The following THRB variants were observed in gnomAD, a reference collection of about 807,000 sequenced individuals.
THRB encodes nuclear receptor subfamily 1 group A member 2.
THRB carries 12 observed loss-of-function variants against 47.8 expected under a neutral mutation model. That is an observed-to-expected ratio of 0.25 (90% CI 0.16 to 0.41). The LOEUF (loss-of-function observed/expected upper bound fraction) is 0.41, where lower values mean the gene tolerates loss of function less well. Ranked by LOEUF, THRB falls within the 10% of genes least tolerant of loss-of-function variation. The pLI is 1.00. For missense variants in THRB, 348 were observed against 589.2 expected (o/e 0.59, Z 4.24); for synonymous variants, 218 against 212.2 (o/e 1.03, Z -0.24).
In THRB at chr3:24,123,041, C is replaced by T. The variant is rs1029651348; in HGVS notation, c.1229G>A (p.Arg410Gln). ...CCAAAAGTGTGTCACGTGGTGTTTTCGGTAATTGATATAGTGTTCAAAGGC... is the reference window on the plus strand; with the variant it reads ...CCAAAAGTGTGTCACGTGGTGTTTTTGGTAATTGATATAGTGTTCAAAGGC... ...LLAFEHYINY[R>Q]KHHVTHFWPK... Residue 410 changes from arginine to glutamine, a missense_variant, in exon 11 of 11, where the codon CGA becomes CAA. Coordinates refer to ENST00000646209, the MANE Select transcript of THRB (RefSeq NM_001354712.2). The T allele has an allele frequency of 6.8e-6, 11 of 1,614,072 alleles. No individual in the cohort carries two copies. The highest frequency in any genetic ancestry group is 8.5e-6 in the Non-Finnish European group (10 of 1,180,042).
Position 24,457,374 on chromosome 3 carries a change from T to C in THRB, c.-261+37278A>G, listed in dbSNP as rs1301500182. ...CTTCCTAACATTCTGGCCATTAAAA[T>C]GAACACTTGGCATTTGATTAGCAGG... On this transcript the variant is annotated intron_variant, in intron 1 of 10. Transcript: ENST00000646209. 2.0e-5 allele frequency among the ~76,000 whole-genome samples: 3 copies of C among 152,292 alleles called. No individual in the cohort carries two copies. The East Asian group carries it at 5.8e-4, about 29-fold the overall frequency.
chr3:24,351,922 A>G (rs2063381112), intron 1 of THRB, among the ~76,000 whole-genome samples: 1 of 152,154 alleles, frequency 6.6e-6, no homozygotes, highest in African/African-American at 2.4e-5. Flanking sequence ...TTTCCGACAG[A>G]TGGGAGAGAG....
intron 3 of THRB, among the ~76,000 whole-genome samples, chr3:24,229,594 G>A (rs147316792): frequency 6.6e-6 from 1 of 152,276 alleles, no homozygotes; most frequent in Non-Finnish European, 1.5e-5. Flanking sequence ...TGAGATCCAA[G>A]AGCAACAGTC....
At chr3:24,372,403 A>G (rs2064986101) in intron 1 of THRB, among the ~76,000 whole-genome samples, 1 of 152,138 alleles carries the variant, frequency 6.6e-6, no homozygotes, top group Non-Finnish European at 1.5e-5. Flanking sequence ...TGTTAATTTA[A>G]ACACATATCT....
chr3:24,183,734 C>T (rs1049781577), intron 5 of THRB, among the ~76,000 whole-genome samples: 1 of 145,928 alleles, frequency 6.9e-6, no homozygotes, highest in African/African-American at 2.5e-5. Flanking sequence ...TTCATCTTTA[C>T]AACAAATCTG....
chr3:24,160,955 C>T (rs2038717820), intron 5 of THRB, among the ~76,000 whole-genome samples: 2 of 152,214 alleles, frequency 1.3e-5, no homozygotes, highest in African/African-American at 4.8e-5. Context: ...AAGGGCAATG[C>T]ATGCTCTGGA....
chr3:24,172,264 A>G (rs1203378634), intron 5 of THRB, among the ~76,000 whole-genome samples: 1 of 152,122 alleles, frequency 6.6e-6, no homozygotes, highest in African/African-American at 2.4e-5. Context: ...CAGAGAGAAG[A>G]AATCTGCTGA....
intron 4 of THRB, among the ~76,000 whole-genome samples, chr3:24,199,232 T>G (rs1575798554): frequency 1.3e-5 from 2 of 152,234 alleles, no homozygotes; most frequent in African/African-American, 4.8e-5. Context: ...CAATACGGTC[T>G]GCTGAGGCCC....
chr3:24,294,461 A>G (rs1289698900), intron 3 of THRB, among the ~76,000 whole-genome samples: 1 of 152,202 alleles, frequency 6.6e-6, no homozygotes, highest in Non-Finnish European at 1.5e-5. Flanking sequence ...CCATGACCCA[A>G]TTCTGGGCAA....
chr3:24,129,431 G>T (rs572832457), intron 9 of THRB, among the ~76,000 whole-genome samples: 2 of 152,144 alleles, frequency 1.3e-5, no homozygotes, highest in Non-Finnish European at 2.9e-5. Context: ...TGCAAACTGG[G>T]GCAGGCCCCA....
intron 1 of THRB, among the ~76,000 whole-genome samples, chr3:24,407,450 C>T (rs1248083380): frequency 6.6e-6 from 1 of 151,810 alleles, no homozygotes; most frequent in African/African-American, 2.4e-5. Context: ...TACCAGCTGA[C>T]ACTGCACTTC....
intron 3 of THRB, among the ~76,000 whole-genome samples, chr3:24,235,355 C>G (rs1359915752): frequency 6.6e-6 from 1 of 152,140 alleles, no homozygotes; most frequent in African/African-American, 2.4e-5. Flanking sequence ...AATCTTTCCA[C>G]GTAGACCTGG....
rs79864911 is a variant in THRB at position 24,190,461 on chromosome 3, C to T, written c.23-127G>A. 2.4e-4 allele frequency: 289 copies of T among 1,201,074 alleles called. 3 individuals are homozygous for T. Among genetic ancestry groups the T allele is most frequent in the Admixed American group, 2.3e-3 (136 of 57,942 alleles). 74.4% of individuals were successfully genotyped at this position (1,201,074 alleles called of 1,614,324 possible). On this transcript the variant is annotated intron_variant, in intron 4 of 10. Transcript: ENST00000646209. Reference sequence around the variant, plus strand: ...CTGACAGTATTCACATGCCACTTGACGGGAGTGATAAGATGCAGAATTTGT... The same window carrying T: ...CTGACAGTATTCACATGCCACTTGATGGGAGTGATAAGATGCAGAATTTGT...
chr3:24,341,975 T>C (rs2062686762), intron 1 of THRB, among the ~76,000 whole-genome samples: 1 of 152,054 alleles, frequency 6.6e-6, no homozygotes, highest in Non-Finnish European at 1.5e-5. Context: ...TGACCACAAA[T>C]GCATGAGTGA....
rs148803754 is a variant in THRB at position 24,223,894 on chromosome 3, G to GTGT, written c.22+5043_22+5044insACA. Among the ~76,000 whole-genome samples the GTGT allele has an allele frequency of 5.6e-3, 825 of 148,038 alleles. 8 individuals carry two copies. The highest frequency in any genetic ancestry group is 0.028 in the South Asian group (134 of 4,754). ...TTGAGTCACCAATCAATGTGTGTGT[G>GTGT]GGGGGGGTATATAGTCAAATTTATA... On this transcript the variant is annotated intron_variant, in intron 4 of 10. Transcript: ENST00000646209.
At chr3:24,475,437 T>C (rs1171255919) in intron 1 of THRB, among the ~76,000 whole-genome samples, 3 of 152,164 alleles carry the variant, frequency 2.0e-5, no homozygotes, top group Non-Finnish European at 2.9e-5. Context: ...ATACTTAATA[T>C]ATATACAATG....
At chr3:24,298,529 C>T (rs2056637996) in intron 2 of THRB, among the ~76,000 whole-genome samples, 1 of 152,202 alleles carries the variant, frequency 6.6e-6, no homozygotes, top group South Asian at 2.1e-4. Flanking sequence ...TTATTTTAAA[C>T]AAGGAAGAAG....
chr3:24,247,698 A>G (rs78676372), intron 3 of THRB, among the ~76,000 whole-genome samples: 3,968 of 152,264 alleles, frequency 0.026, 84 homozygotes, highest in Middle Eastern at 0.058. Flanking sequence ...TTAAATGTCT[A>G]AAGATAAATA....
chr3:24,407,623 A>T (rs2067935317), intron 1 of THRB, among the ~76,000 whole-genome samples: 1 of 151,986 alleles, frequency 6.6e-6, no homozygotes, highest in East Asian at 2.0e-4. Flanking sequence ...CAACCTATTC[A>T]TATGAATCTA....
Sources: allele counts gnomAD v4.1 joint callset (sites outside exome capture counted in the v4.1 genomes callset), GRCh38; gene constraint gnomAD v4.1.1; transcripts MANE v1.5; gene names NCBI Gene and HGNC (gene_info 2026-07-23, HGNC 2026-07-21).